The following ABL1 variants were observed in gnomAD, a reference collection of about 807,000 sequenced individuals.
ABL1 encodes the protein tyrosine-protein kinase ABL1.
ABL1 carries 11 observed loss-of-function variants against 94.7 expected under a neutral mutation model. The ratio of observed to expected loss-of-function variants is 0.12; its 90% CI spans 0.07 to 0.19. The LOEUF is 0.19. Ranked by LOEUF, ABL1 falls within the 10% of genes least tolerant of loss-of-function variation. The pLI is 1.00. For missense variants in ABL1, 1,082 were observed against 1,489.4 expected (o/e 0.73, Z 4.50); for synonymous variants, 656 against 622.4 (o/e 1.05, Z -0.80).
intron 1 of ABL1, among the ~76,000 whole-genome samples, chr9:130,718,498 T>C (rs986421093): frequency 3.3e-5 from 5 of 152,210 alleles, no homozygotes; most frequent in Admixed American, 6.5e-5. Context: ...TCATTTCTAA[T>C]GTGGTAACTA....
chr9:130,739,017 G>A (rs577101496), intron 1 of ABL1, among the ~76,000 whole-genome samples: 1 of 152,178 alleles, frequency 6.6e-6, no homozygotes, highest in South Asian at 2.1e-4. Flanking sequence ...AGAGTAGCGG[G>A]GAGCCACCCG....
Position 130,862,456 on chromosome 9 carries a change from G to A in ABL1, c.550-307G>A, listed in dbSNP as rs1455586704. On this transcript the variant is annotated intron_variant, in intron 3 of 10. Coordinates refer to ENST00000318560, the MANE Select transcript of ABL1 (RefSeq NM_005157.6). This position sits in a 1 kb window ranked among gnomAD's most constrained non-coding sequence, Gnocchi z 5.5. ...GGAAGACTTCACGGACCTTAAAACT[G>A]GCCTTGGAACGGGAAGCGAGAACTG... Among the ~76,000 whole-genome samples, 2 of 152,196 alleles carry A rather than the reference G, an allele frequency of 1.3e-5. No individual in the cohort carries two copies. The highest frequency in any genetic ancestry group is 2.9e-5 in the Non-Finnish European group (2 of 68,032).
chr9:130,835,542 C>T lies in ABL1; in HGVS notation c.79+17C>T. On this transcript the variant is annotated intron_variant, in intron 1 of 10. Transcript: ENST00000318560. This position sits in a 1 kb window ranked among gnomAD's most constrained non-coding sequence, Gnocchi z 4.6. Reference sequence around the variant, plus strand: ...ATCTGGAAGGTAAGCCCGGGCCGCACGGGTTGGGCTGAGTAGCCGCGCGCC... The same window carrying T: ...ATCTGGAAGGTAAGCCCGGGCCGCATGGGTTGGGCTGAGTAGCCGCGCGCC... The T allele has an allele frequency of 6.5e-7, 1 of 1,547,656 alleles. No homozygotes were observed. The highest frequency in any genetic ancestry group is 1.2e-5 in the South Asian group (1 of 83,992).
chr9:130,843,075 A>G (rs544810799), intron 1 of ABL1, among the ~76,000 whole-genome samples: 1 of 152,296 alleles, frequency 6.6e-6, no homozygotes, highest in Non-Finnish European at 1.5e-5. Flanking sequence ...ATCTGTCATT[A>G]TTGCTGCTCT....
chr9:130,820,795 AT>A (rs1258989578), intron 1 of ABL1, among the ~76,000 whole-genome samples: 1 of 152,174 alleles, frequency 6.6e-6, no homozygotes, highest in Non-Finnish European at 1.5e-5. Context: ...CATATAACAT[AT>A]TGCTTTTTCC....
At chr9:130,780,051 C>T (rs1414232040) in intron 1 of ABL1, among the ~76,000 whole-genome samples, 1 of 151,902 alleles carries the variant, frequency 6.6e-6, no homozygotes, top group Non-Finnish European at 1.5e-5. Flanking sequence ...TTTGGGAGGC[C>T]GAGGTGGCTG....
rs12555096 is a variant in ABL1 at position 130,787,731 on chromosome 9, C to A, written c.137-66333C>A. Among the ~76,000 whole-genome samples, 870 of 152,284 alleles carry A rather than the reference C, an allele frequency of 5.7e-3. 2 individuals are homozygous for A. Among genetic ancestry groups the A allele is most frequent in the Non-Finnish European group, 9.7e-3 (663 of 68,032 alleles). On this transcript the variant is annotated intron_variant, in intron 1 of 10. Coordinates refer to the ABL1 transcript ENST00000372348. ...TTGCAAGTGAGTTCAGACAGGAATTCTAGTGTTACACCAGCCCATGCTCAG... is the reference window on the plus strand; with the variant it reads ...TTGCAAGTGAGTTCAGACAGGAATTATAGTGTTACACCAGCCCATGCTCAG...
Position 130,859,677 on chromosome 9 carries a change from C to CTTTTTTTTTTTTTTTTTTTTTTT in ABL1, c.550-3079_550-3057dup, listed in dbSNP as rs869234280. ...AAACGCTGTTTCTTTTCTTTCTTTC[C>CTTTTTTTTTTTTTTTTTTTTTTT]TTTTTTTTTTTTTTTTTTTTTTTTT... is the stretch of plus-strand genomic sequence containing the variant. On this transcript the variant is annotated intron_variant, in intron 3 of 10. Transcript: ENST00000318560. Among the ~76,000 whole-genome samples the CTTTTTTTTTTTTTTTTTTTTTTT allele has an allele frequency of 2.2e-4, 17 of 78,460 alleles. 3 individuals are homozygous for CTTTTTTTTTTTTTTTTTTTTTTT. Among genetic ancestry groups the CTTTTTTTTTTTTTTTTTTTTTTT allele is most frequent in the African/African-American group, 7.4e-4 (11 of 14,858 alleles). The allele number at this position is 78,460 out of a possible 152,430, so 51.5% of individuals were successfully genotyped here. A position where few individuals can be genotyped will look rare whatever the true frequency, so the allele number is the denominator to read the frequency against.
At chr9:130,883,899 G>C in intron 10 of ABL1, 70 bp from the exon 11 acceptor site, 2 of 1,523,246 alleles carry the variant, frequency 1.3e-6, no homozygotes, top group Admixed American at 4.2e-5. Flanking sequence ...TGCCTCCCGG[G>C]TTCAAGCGAT....
chr9:130,737,456 T>TG (rs1476525876), intron 1 of ABL1, among the ~76,000 whole-genome samples: 2 of 151,614 alleles, frequency 1.3e-5, no homozygotes, highest in African/African-American at 4.8e-5. Context: ...TTTGTAGAGA[T>TG]GGGGGTTTCA....
At chr9:130,755,876 C>T (rs781474503) in intron 1 of ABL1, among the ~76,000 whole-genome samples, 8 of 152,066 alleles carry the variant, frequency 5.3e-5, no homozygotes, top group East Asian at 1.9e-4. Flanking sequence ...GGTTGGTGGC[C>T]GAGGAGGACG....
intron 1 of ABL1, among the ~76,000 whole-genome samples, chr9:130,826,806 C>T (rs534577808): frequency 2.2e-4 from 34 of 152,210 alleles, no homozygotes; most frequent in South Asian, 1.2e-3. Context: ...CGGCCGGGCG[C>T]GGTGGCTCAC....
Position 130,797,825 on chromosome 9 carries a change from A to G in ABL1, c.137-56239A>G, listed in dbSNP as rs140942501. On this transcript the variant is annotated intron_variant, in intron 1 of 10. Coordinates refer to the ABL1 transcript ENST00000372348. ...TTTGCCAAATAGAAGAACACGGGAT[A>G]TTCTTCTCCCATGGCTGATGTGTTG... Among the ~76,000 whole-genome samples, 268 of 152,298 alleles carry G rather than the reference A, an allele frequency of 1.8e-3. 2 individuals are homozygous for G. Among genetic ancestry groups the G allele is most frequent in the African/African-American group, 6.2e-3 (256 of 41,562 alleles).
chr9:130,760,788 G>A lies in ABL1; in HGVS notation c.136+46333G>A, dbSNP rs942203848. Among the ~76,000 whole-genome samples, 21 of 150,548 alleles carry A rather than the reference G, an allele frequency of 1.4e-4. 1 individual carries two copies. Among genetic ancestry groups the A allele is most frequent in the African/African-American group, 4.2e-4 (17 of 40,828 alleles). ...AGAGATTCTCCTGCCTCAGCCTCCC[G>A]AGTAGCTGGGACTACAGGCACGGGC... On this transcript the variant is annotated intron_variant, in intron 1 of 10. Coordinates refer to the ABL1 transcript ENST00000372348.
intron 1 of ABL1, among the ~76,000 whole-genome samples, chr9:130,813,819 T>G (rs913283741): frequency 6.6e-6 from 1 of 152,230 alleles, no homozygotes; most frequent in Admixed American, 6.5e-5. Flanking sequence ...CCCTGACTTA[T>G]GACGTCTCAA....
In ABL1 at chr9:130,878,512, C is replaced by T. The variant is rs2133017454; in HGVS notation, c.1368C>T (p.Tyr456=). The T allele has an allele frequency of 1.9e-6, 3 of 1,614,214 alleles. No homozygotes were observed. Among genetic ancestry groups the T allele is most frequent in the South Asian group, 1.1e-5 (1 of 91,086 alleles). The change falls in exon 8 of 11, where the codon TAC becomes TAT. Residue 456 remains tyrosine, a synonymous_variant. Transcript: ENST00000318560. ...TGTATGAGCTGCTAGAGAAGGACTA[C>T]CGCATGGAGCGCCCAGAAGGCTGCC... The part of the protein sequence containing the change: ...SQVYELLEKD[Y]RMERPEGCPE...
intron 1 of ABL1, among the ~76,000 whole-genome samples, chr9:130,818,516 G>C (rs189071038): frequency 1.3e-3 from 195 of 152,258 alleles, no homozygotes; most frequent in South Asian, 3.9e-3. Context: ...TTTCTCTTAA[G>C]TTTCATGCAT....
rs1033977176 is a variant in ABL1 at position 130,856,739 on chromosome 9, C to G, written c.549+1643C>G. 4.6e-5 allele frequency among the ~76,000 whole-genome samples: 7 copies of G among 152,176 alleles called. No individual in the cohort carries two copies. The East Asian group carries it at 1.2e-3, about 25-fold the overall frequency. On this transcript the variant is annotated intron_variant, in intron 3 of 10. Coordinates refer to ENST00000318560, the MANE Select transcript of ABL1 (RefSeq NM_005157.6). ...CAAAAAGGCACGCAAATGATACATGCACGCGAATGCATCATGCTTCTCCCG... is the reference window on the plus strand; with the variant it reads ...CAAAAAGGCACGCAAATGATACATGGACGCGAATGCATCATGCTTCTCCCG...
chr9:130,751,432 C>T (rs1204268099), intron 1 of ABL1, among the ~76,000 whole-genome samples: 4 of 152,012 alleles, frequency 2.6e-5, no homozygotes, highest in African/African-American at 4.8e-5. Context: ...CATGAACCAC[C>T]GCGCCTGGCC....
Sources: gnomAD v4.1 joint callset for allele counts (sites outside exome capture counted in the v4.1 genomes callset) on GRCh38, gnomAD v4.1.1 for gene constraint, Gnocchi (gnomAD v3.1) non-coding constraint, MANE v1.5 for transcripts, NCBI Gene and HGNC (gene_info 2026-07-23, HGNC 2026-07-21) for gene names.